GRIA1: variants seen among roughly 807,000 people sequenced by gnomAD.
The protein encoded by GRIA1 is glutamate receptor 1.
GRIA1 carries 31 observed loss-of-function variants against 99.2 expected under a neutral mutation model. The observed-to-expected ratio is 0.31, with a 90% CI of 0.23 to 0.42. GRIA1 has a LOEUF of 0.42. Ranked by LOEUF, GRIA1 falls within the 10% of genes least tolerant of loss-of-function variation. The probability of loss-of-function intolerance (pLI) is 1.00; values close to 1 mark genes in which losing one functional copy is unlikely to be tolerated. For missense variants in GRIA1, 782 were observed against 1,157.5 expected (o/e 0.68, Z 4.71); for synonymous variants, 438 against 432.4 (o/e 1.01, Z -0.16).
chr5:153,546,284 G>A (rs1759611246), intron 2 of GRIA1, among the ~76,000 whole-genome samples: 1 of 152,190 alleles, frequency 6.6e-6, no homozygotes, highest in South Asian at 2.1e-4. Context: ...GGAAGAGATG[G>A]AGCAAAGTTA....
intron 7 of GRIA1, among the ~76,000 whole-genome samples, chr5:153,685,486 C>A (rs988014272): frequency 1.3e-5 from 2 of 152,178 alleles, no homozygotes; most frequent in African/African-American, 2.4e-5. Flanking sequence ...ACTGAGATTT[C>A]TTTAACACCT....
chr5:153,804,685 C>G (rs1023960419), intron 15 of GRIA1, among the ~76,000 whole-genome samples: 1 of 151,954 alleles, frequency 6.6e-6, no homozygotes, highest in Non-Finnish European at 1.5e-5. Flanking sequence ...ACTATGTCAT[C>G]TTAGGTTTTA....
intron 11 of GRIA1, among the ~76,000 whole-genome samples, chr5:153,748,105 TAATA>T: frequency 6.6e-6 from 1 of 152,250 alleles, no homozygotes; most frequent in Non-Finnish European, 1.5e-5. Context: ...GATAGATAGA[TAATA>T]AATGAATAAA....
chr5:153,676,691 A>G (rs989712186), intron 6 of GRIA1, among the ~76,000 whole-genome samples: 4 of 152,176 alleles, frequency 2.6e-5, no homozygotes, highest in Non-Finnish European at 4.4e-5. Flanking sequence ...AAATTGCAAG[A>G]TTGCACACAG....
chr5:153,796,013 C>T (rs200371940), intron 14 of GRIA1, among the ~76,000 whole-genome samples: 10 of 130,238 alleles, frequency 7.7e-5, no homozygotes, highest in East Asian at 4.5e-4. Flanking sequence ...TTTTTTTTAA[C>T]TTTTTTTTTT....
At position 153,612,928 on chromosome 5, in the gene GRIA1, A is replaced by AAG. The variant is rs201727022; in HGVS notation, c.221-33999_221-33998insGA. Among the ~76,000 whole-genome samples, 755 of 152,228 alleles carry AAG rather than the reference A, an allele frequency of 5.0e-3. 5 individuals carry two copies. The highest frequency in any genetic ancestry group is 0.017 in the African/African-American group (707 of 41,524). ...CTTAGGCTCACTCAGCTGGAAAAAA[A>AAG]AAAAAGAAATCTGGGTTTGAAGAAC... is the stretch of plus-strand genomic sequence containing the variant. On this transcript the variant is annotated intron_variant, in intron 2 of 15. Transcript: ENST00000285900.
intron 3 of GRIA1, among the ~76,000 whole-genome samples, chr5:153,648,557 A>G (rs1246100850): frequency 6.6e-6 from 1 of 152,194 alleles, no homozygotes; most frequent in Non-Finnish European, 1.5e-5. Flanking sequence ...AATAGTATCT[A>G]CCTTGAAAGA....
intron 7 of GRIA1, among the ~76,000 whole-genome samples, chr5:153,681,749 T>C (rs532071897): frequency 6.6e-6 from 1 of 152,278 alleles, no homozygotes; most frequent in East Asian, 1.9e-4. Context: ...AGCATCGTGC[T>C]TGTGGGCCAA....
intron 11 of GRIA1, among the ~76,000 whole-genome samples, chr5:153,715,273 T>C (rs1759590930): frequency 6.6e-6 from 1 of 152,042 alleles, no homozygotes; most frequent in African/African-American, 2.4e-5. Flanking sequence ...CCCAGCTCCA[T>C]GCTCCCATTA....
At chr5:153,808,919 C>T (rs191977019) in intron 15 of GRIA1, among the ~76,000 whole-genome samples, 1 of 152,334 alleles carries the variant, frequency 6.6e-6, no homozygotes, top group East Asian at 1.9e-4. Context: ...GCTAAATTAT[C>T]TCAGACTTTG....
chr5:153,614,786 A>G (rs114262817), intron 2 of GRIA1, among the ~76,000 whole-genome samples: 1,578 of 152,352 alleles, frequency 0.01, 26 homozygotes, highest in African/African-American at 0.036. Flanking sequence ...GAAAGAGAAG[A>G]TTAACAAATT....
rs767801487 is a variant in GRIA1, at chr5:153,705,969, C to T, written c.1725C>T (p.Asp575=). Residue 575 remains aspartate (D), a synonymous_variant, in exon 11 of 16, where the codon GAC becomes GAT. Transcript: ENST00000285900. ...WHSEEFEEGR[D]QTTSDQSNEF... ...GTGAAGAGTTTGAGGAAGGACGGGA[C>T]CAGACAACCAGTGACCAGTCCAATG... The T allele has an allele frequency of 3.1e-6, 5 of 1,613,794 alleles. No homozygotes were observed. In the South Asian group the frequency reaches 4.4e-5, roughly 14 times the overall value.
chr5:153,724,466 T>G (rs1351502259), intron 11 of GRIA1, among the ~76,000 whole-genome samples: 1 of 152,114 alleles, frequency 6.6e-6, no homozygotes, highest in African/African-American at 2.4e-5. Context: ...AAGAGGAAAT[T>G]CAAACCAAAG....
chr5:153,793,085 CAAA>C (rs1340477843), intron 13 of GRIA1, among the ~76,000 whole-genome samples: 2 of 152,180 alleles, frequency 1.3e-5, no homozygotes, highest in Non-Finnish European at 2.9e-5. Flanking sequence ...TGCTGTGAGT[CAAA>C]AGTGTTTCCC....
intron 8 of GRIA1, among the ~76,000 whole-genome samples, chr5:153,692,209 C>T (rs1295809083): frequency 1.3e-5 from 2 of 152,182 alleles, no homozygotes; most frequent in African/African-American, 4.8e-5. Flanking sequence ...CTTGACCAAG[C>T]ACTTTTAAAG....
chr5:153,548,290 C>T (rs545607863), intron 2 of GRIA1, among the ~76,000 whole-genome samples: 72 of 152,296 alleles, frequency 4.7e-4, no homozygotes, highest in Non-Finnish European at 1.0e-3. Flanking sequence ...TTCTCGTGAG[C>T]TCCGCATGGT....
intron 13 of GRIA1, among the ~76,000 whole-genome samples, chr5:153,783,487 C>A (rs1764769821): frequency 6.6e-6 from 1 of 152,170 alleles, no homozygotes; most frequent in African/African-American, 2.4e-5. Context: ...ATCACACTTG[C>A]CTTAGAAATG....
intron 8 of GRIA1, among the ~76,000 whole-genome samples, chr5:153,694,668 T>C (rs756979039): frequency 3.3e-5 from 5 of 152,262 alleles, no homozygotes; most frequent in Non-Finnish European, 7.3e-5. Context: ...AAGCTGATAG[T>C]TGGTAATTAG....
At chr5:153,742,709 C>T (rs939535841) in intron 11 of GRIA1, among the ~76,000 whole-genome samples, 1 of 152,186 alleles carries the variant, frequency 6.6e-6, no homozygotes, top group Admixed American at 6.5e-5. Flanking sequence ...TTGCTCTTCT[C>T]CAAGCCAGCA....
Sources: gnomAD v4.1 joint callset for allele counts (sites outside exome capture counted in the v4.1 genomes callset) on GRCh38, gnomAD v4.1.1 for gene constraint, MANE v1.5 for transcripts, NCBI Gene and HGNC (gene_info 2026-07-23, HGNC 2026-07-21) for gene names.